The following PCSK5 variants were observed in gnomAD, a reference collection of about 807,000 sequenced individuals.
The protein encoded by PCSK5 is prohormone convertase 5.
PCSK5 carries 129 observed loss-of-function variants against 233.2 expected under a neutral mutation model. That is an observed-to-expected ratio of 0.55 (90% CI 0.48 to 0.64). PCSK5 has a LOEUF of 0.64. PCSK5 is among the 30% of genes least tolerant of loss of function. The pLI, the probability that PCSK5 is intolerant of heterozygous loss-of-function variation, is 0.00. For missense variants in PCSK5, 2,076 were observed against 2,430.1 expected (o/e 0.85, Z 3.06); for synonymous variants, 825 against 879.2 (o/e 0.94, Z 1.09).
chr9:76,323,002 T>G, intron 31 of PCSK5, 50 bp from the exon 32 acceptor site: 1 of 1,012,280 alleles, frequency 9.9e-7, no homozygotes. Context: ...GACAATGAAT[T>G]CCTTTCTCCT....
intron 5 of PCSK5, among the ~76,000 whole-genome samples, chr9:76,029,905 A>G (rs193290452): frequency 6.6e-6 from 1 of 152,324 alleles, no homozygotes. Context: ...TAAAATAACC[A>G]GTTTCTTCAA....
intron 24 of PCSK5, among the ~76,000 whole-genome samples, chr9:76,258,906 C>A (rs958118319): frequency 6.6e-6 from 1 of 152,164 alleles, no homozygotes; most frequent in Non-Finnish European, 1.5e-5. Flanking sequence ...GTGCACGTGG[C>A]TAATGACAGT....
intron 19 of PCSK5, 78 bp from the exon 20 acceptor site, chr9:76,189,553 C>T (rs939768767): frequency 1.1e-5 from 9 of 851,336 alleles, no homozygotes; most frequent in Non-Finnish European, 1.8e-5. Context: ...AAATGTAAGA[C>T]ATTATGAGGT....
At chr9:76,186,405 A>T (rs184017302) in intron 17 of PCSK5, among the ~76,000 whole-genome samples, 30 of 139,352 alleles carry the variant, frequency 2.2e-4, no homozygotes, top group Middle Eastern at 3.6e-3. Flanking sequence ...TAAATTAAAT[A>T]AAATGTAAAA....
intron 7 of PCSK5, among the ~76,000 whole-genome samples, chr9:76,072,279 C>G (rs13298319): frequency 0.16 from 24,982 of 152,140 alleles, 2,102 homozygotes; most frequent in East Asian, 0.24. Context: ...TGGGGCATCT[C>G]CCTTTTTTAA....
rs1456872887 is a variant in PCSK5 at position 76,338,358 on chromosome 9, A to G, written c.4877A>G (p.Glu1626Gly). ...RFFFLLRSKG[E>G]CHRSCPDHYY... ...TTCTTTCTGCTCCGCTCCAAAGGAG[A>G]GTGTCATCGCTCCTGCCCAGACCAT... is the stretch of plus-strand genomic sequence containing the variant. Residue 1626 changes from glutamate (E) to glycine (G), a missense_variant, in exon 35 of 38, where the codon GAG becomes GGG. Transcript: ENST00000674117. The G allele has an allele frequency of 2.5e-6, 4 of 1,612,430 alleles. No individual in the cohort carries two copies. The East Asian group carries it at 6.7e-5, about 27-fold the overall frequency.
At chr9:76,311,384 T>C (rs1828861319) in intron 30 of PCSK5, among the ~76,000 whole-genome samples, 1 of 152,044 alleles carries the variant, frequency 6.6e-6, no homozygotes, top group South Asian at 2.1e-4. Flanking sequence ...TCCCACCTTA[T>C]ATTAATGATC....
chr9:76,025,261 T>G (rs886092278), intron 4 of PCSK5, among the ~76,000 whole-genome samples: 2 of 152,132 alleles, frequency 1.3e-5, no homozygotes, highest in African/African-American at 2.4e-5. Flanking sequence ...TATAAGAACA[T>G]TCAGGCTAGG....
intron 9 of PCSK5, among the ~76,000 whole-genome samples, chr9:76,111,053 A>T (rs372355275): frequency 1.3e-5 from 2 of 152,258 alleles, no homozygotes; most frequent in South Asian, 4.1e-4. Flanking sequence ...GTTGCACTGA[A>T]CTGAGATCAT....
intron 3 of PCSK5, among the ~76,000 whole-genome samples, chr9:75,987,022 T>C (rs1394255219): frequency 1.3e-5 from 2 of 152,212 alleles, no homozygotes; most frequent in Non-Finnish European, 2.9e-5. Flanking sequence ...CTTGAAAGTT[T>C]TTATTGCTAA....
At chr9:76,023,136 A>G (rs1419749859) in intron 3 of PCSK5, among the ~76,000 whole-genome samples, 3 of 152,214 alleles carry the variant, frequency 2.0e-5, no homozygotes, top group Non-Finnish European at 4.4e-5. Flanking sequence ...TCATTAAAAC[A>G]TGTTAACAAT....
At chr9:76,234,689 T>A (rs1443794487) in intron 22 of PCSK5, among the ~76,000 whole-genome samples, 1 of 152,234 alleles carries the variant, frequency 6.6e-6, no homozygotes, top group Non-Finnish European at 1.5e-5. Flanking sequence ...CTTACTTCTT[T>A]AAGAGTTTTT....
intron 13 of PCSK5, among the ~76,000 whole-genome samples, chr9:76,174,425 GC>G (rs1318640235): frequency 6.6e-6 from 1 of 151,642 alleles, no homozygotes; most frequent in African/African-American, 2.4e-5. Context: ...TTCTGCCTCA[GC>G]CCCCCAAGTA....
chr9:75,908,911 CTA>C lies in PCSK5; in HGVS notation c.192+17540_192+17541del, dbSNP rs1161157310. On this transcript the variant is annotated intron_variant, in intron 1 of 37. Transcript: ENST00000674117. ...TCTATCTATCTATCTATCTATCTAT[CTA>C]TCTATCTATCTCTCTATCTCTCTCT... 2.4e-3 allele frequency among the ~76,000 whole-genome samples: 319 copies of C among 132,710 alleles called. 3 individuals are homozygous for C. The highest frequency in any genetic ancestry group is 5.0e-3 in the Admixed American group (60 of 11,968). The allele number at this position is 132,710 out of a possible 152,430, so 87.1% of individuals were successfully genotyped here.
chr9:76,094,240 T>C (rs1420824234), intron 7 of PCSK5, among the ~76,000 whole-genome samples: 1 of 152,180 alleles, frequency 6.6e-6, no homozygotes, highest in Admixed American at 6.5e-5. Flanking sequence ...GACTTTGTTG[T>C]CTCTTTTTCT....
intron 8 of PCSK5, among the ~76,000 whole-genome samples, chr9:76,104,539 C>T (rs1831899637): frequency 6.6e-6 from 1 of 152,184 alleles, no homozygotes; most frequent in South Asian, 2.1e-4. Context: ...TATATTAAAG[C>T]ATAAGTTGTA....
At chr9:76,204,470 TTC>T (rs752223682) in intron 20 of PCSK5, among the ~76,000 whole-genome samples, 2 of 151,860 alleles carry the variant, frequency 1.3e-5, no homozygotes, top group South Asian at 2.1e-4. Context: ...TTCTCCTCTC[TTC>T]TCTCTCTCTT....
intron 20 of PCSK5, among the ~76,000 whole-genome samples, chr9:76,206,387 G>T (rs561333467): frequency 6.6e-6 from 1 of 152,312 alleles, no homozygotes. Context: ...CAATGCTGAG[G>T]ATTAAATGGG....
intron 3 of PCSK5, among the ~76,000 whole-genome samples, chr9:75,995,076 C>T (rs890735204): frequency 3.9e-5 from 6 of 152,182 alleles, no homozygotes; most frequent in Non-Finnish European, 7.3e-5. Flanking sequence ...TGCCTGGATG[C>T]TTCTCCCATG....
Sources: gnomAD v4.1 joint callset for allele counts (sites outside exome capture counted in the v4.1 genomes callset) on GRCh38, gnomAD v4.1.1 for gene constraint, MANE v1.5 for transcripts, NCBI Gene and HGNC (gene_info 2026-07-23, HGNC 2026-07-21) for gene names.